Variants in COLQ observed in about 807,000 individuals in gnomAD.
COLQ encodes acetylcholinesterase collagenic tail peptide.
A neutral mutation model predicts 69.0 loss-of-function variants in COLQ; 48 were observed. That is an observed-to-expected ratio of 0.70 (90% CI 0.55 to 0.88). COLQ has a LOEUF of 0.88. COLQ is among the 40% of genes least tolerant of loss of function. The pLI is 0.00. For synonymous variants in COLQ, 217 were observed against 211.2 expected, an observed-to-expected ratio of 1.03 and a Z score of -0.24; for missense variants, 618 against 594.6, an observed-to-expected ratio of 1.04 and a Z score of -0.41.
intron 1 of COLQ, among the ~76,000 whole-genome samples, chr3:15,500,294 C>T: frequency 6.6e-6 from 1 of 152,166 alleles, no homozygotes; most frequent in East Asian, 1.9e-4. Context: ...GTCCTCAGTC[C>T]TGAGTCCTAG....
At chr3:15,484,611 A>C (rs1575480592) in intron 3 of COLQ, among the ~76,000 whole-genome samples, 1 of 152,150 alleles carries the variant, frequency 6.6e-6, no homozygotes, top group East Asian at 1.9e-4. Context: ...GGCTTTGTTC[A>C]TTTCTTCTTA....
At chr3:15,484,773 A>T (rs958900109) in intron 3 of COLQ, among the ~76,000 whole-genome samples, 4 of 152,154 alleles carry the variant, frequency 2.6e-5, no homozygotes, top group African/African-American at 9.7e-5. Flanking sequence ...CCAACAGGTC[A>T]TTTAAGGTCT....
chr3:15,456,117 G>A, intron 14 of COLQ, 98 bp from the exon 15 acceptor site: 1 of 1,414,418 alleles, frequency 7.1e-7, no homozygotes, highest in Non-Finnish European at 9.8e-7. Context: ...ACTGCTGGGG[G>A]GCATGCCTTG....
Position 15,466,321 on chromosome 3 carries a change from T to A in COLQ, c.814+20A>T. ...GCCAGTACTCCAACAGTGGATCAAG[T>A]GAAGCAGTGTAGCTCTTACCTGCAG... On this transcript the variant is annotated intron_variant, in intron 12 of 16. Coordinates refer to ENST00000383788, the MANE Select transcript of COLQ (RefSeq NM_005677.4). The A allele has an allele frequency of 6.4e-7, 1 of 1,572,472 alleles. No homozygotes were observed. Among genetic ancestry groups the A allele is most frequent in the Non-Finnish European group, 8.8e-7 (1 of 1,142,058 alleles).
intron 12 of COLQ, 51 bp downstream of exon 12, chr3:15,466,287 GGGA>G (rs2062198004): frequency 7.6e-7 from 1 of 1,310,600 alleles, no homozygotes; most frequent in Admixed American, 1.7e-5. Flanking sequence ...TGCCCTCTCT[GGGA>G]GGCTGGCCAG....
intron 1 of COLQ, among the ~76,000 whole-genome samples, chr3:15,508,118 C>T (rs1327216633): frequency 6.6e-6 from 1 of 152,120 alleles, no homozygotes; most frequent in Non-Finnish European, 1.5e-5. Context: ...CCCAAAAAAT[C>T]TCACAAGGTT....
In COLQ at chr3:15,473,785, C is replaced by G. The variant is rs2062330219; in HGVS notation, c.636+215G>C. Reference sequence around the variant, plus strand: ...AAACCCAAAACCCAGATGGGTTGTCCTTTCCTTCCCATTGAGCTAGAGGGA... The same window carrying G: ...AAACCCAAAACCCAGATGGGTTGTCGTTTCCTTCCCATTGAGCTAGAGGGA... On this transcript the variant is annotated intron_variant, in intron 10 of 16. Coordinates refer to ENST00000383788, the MANE Select transcript of COLQ (RefSeq NM_005677.4). The surrounding 1 kb of genome is among the most constrained non-coding windows in gnomAD (Gnocchi z 4.0). 6.6e-6 allele frequency among the ~76,000 whole-genome samples: 1 copy of G among 152,182 alleles called. No individual in the cohort carries two copies. Among genetic ancestry groups the G allele is most frequent in the Non-Finnish European group, 1.5e-5 (1 of 68,036 alleles).
At chr3:15,479,515 T>G in intron 3 of COLQ, 133 bp from the exon 4 acceptor site, 1 of 866,254 alleles carries the variant, frequency 1.2e-6, no homozygotes, top group East Asian at 2.5e-5. Flanking sequence ...CAGGGACCCA[T>G]GGAGGCTTTT....
intron 1 of COLQ, among the ~76,000 whole-genome samples, chr3:15,518,476 T>C (rs942623662): frequency 6.6e-6 from 1 of 152,164 alleles, no homozygotes; most frequent in African/African-American, 2.4e-5. Flanking sequence ...TAGTTTTGTG[T>C]GTATCAAATA....
chr3:15,487,522 C>A (rs1290280689), intron 3 of COLQ, among the ~76,000 whole-genome samples: 1 of 152,180 alleles, frequency 6.6e-6, no homozygotes, highest in Non-Finnish European at 1.5e-5. Context: ...CATTTTTACG[C>A]CCCCTGCATG....
At chr3:15,501,965 T>A (rs922649458) in intron 1 of COLQ, among the ~76,000 whole-genome samples, 7 of 152,202 alleles carry the variant, frequency 4.6e-5, no homozygotes, top group African/African-American at 1.4e-4. Flanking sequence ...GATAAAGTCT[T>A]CCTCACCATT....
intron 5 of COLQ, chr3:15,477,492 T>C (rs2062400114): frequency 2.4e-6 from 1 of 411,216 alleles, no homozygotes; most frequent in African/African-American, 2.0e-5. Context: ...GTCCCCTGCG[T>C]TCCAATGGGT....
Position 15,466,297 on chromosome 3 carries a change from C to T in COLQ, c.814+44G>A, listed in dbSNP as rs559083843. Reference sequence around the variant, plus strand: ...CCTTGTGCCCTCTCTGGGAGGCTGGCCAGTACTCCAACAGTGGATCAAGTG... The same window carrying T: ...CCTTGTGCCCTCTCTGGGAGGCTGGTCAGTACTCCAACAGTGGATCAAGTG... On this transcript the variant is annotated intron_variant, in intron 12 of 16. Transcript: ENST00000383788. 2.2e-5 allele frequency: 31 copies of T among 1,424,622 alleles called. No individual in the cohort carries two copies. The East Asian group carries it at 6.4e-4, about 29-fold the overall frequency. 88.2% of individuals were successfully genotyped at this position (1,424,622 alleles called of 1,614,324 possible).
chr3:15,503,809 C>A (rs1425186855), intron 1 of COLQ, among the ~76,000 whole-genome samples: 2 of 151,972 alleles, frequency 1.3e-5, no homozygotes, highest in East Asian at 3.9e-4. Flanking sequence ...GTTCAGTTAC[C>A]AGCACACGGT....
At chr3:15,479,197 G>T in intron 4 of COLQ, 141 bp downstream of exon 4, 1 of 1,121,306 alleles carries the variant, frequency 8.9e-7, no homozygotes, top group Non-Finnish European at 1.4e-6. Context: ...CAGCAGCCCA[G>T]CCATCATGGA....
chr3:15,481,357 A>G (rs2062480717), intron 3 of COLQ, among the ~76,000 whole-genome samples: 1 of 152,206 alleles, frequency 6.6e-6, no homozygotes, highest in Non-Finnish European at 1.5e-5. Flanking sequence ...TAAGTATTTA[A>G]TCCATCTTGA....
chr3:15,451,279 T>A lies in COLQ; in HGVS notation c.*365A>T, dbSNP rs2278962. 0.43 allele frequency: 154,255 copies of A among 356,538 alleles called. 33,768 individuals carry two copies. The highest frequency in any genetic ancestry group is 0.49 in the African/African-American group (23,505 of 47,800). The allele number at this position is 356,538 out of a possible 1,614,324, so 22.1% of individuals were successfully genotyped here. On this transcript the variant is annotated 3_prime_UTR_variant, in exon 17 of 17. Transcript: ENST00000383788. ...AGATTCCCCAAAGAGATCAAAACAT[T>A]CTAAAACAGCCTGCAGGTCTGTGTG...
intron 1 of COLQ, among the ~76,000 whole-genome samples, chr3:15,503,433 G>A (rs1016789137): frequency 9.2e-5 from 14 of 152,144 alleles, no homozygotes; most frequent in African/African-American, 3.1e-4. Flanking sequence ...GTGGAGCCAC[G>A]GGATGTAAAG....
intron 1 of COLQ, among the ~76,000 whole-genome samples, chr3:15,509,760 G>C (rs1559532630): frequency 6.6e-6 from 1 of 152,236 alleles, no homozygotes. Flanking sequence ...GTCCTGTGGA[G>C]TTGGGATTCT....
Sources: gnomAD v4.1 joint callset for allele counts (sites outside exome capture counted in the v4.1 genomes callset) on GRCh38, gnomAD v4.1.1 for gene constraint, Gnocchi (gnomAD v3.1) non-coding constraint, MANE v1.5 for transcripts, NCBI Gene and HGNC (gene_info 2026-07-23, HGNC 2026-07-21) for gene names.